The following TNRC6B variants were observed in gnomAD, a reference collection of about 807,000 sequenced individuals.
TNRC6B encodes the protein trinucleotide repeat-containing gene 6B protein.
TNRC6B carries 52 observed loss-of-function variants against 203.6 expected under a neutral mutation model. The observed-to-expected ratio is 0.26, with a 90% CI of 0.20 to 0.32. The LOEUF is 0.32. TNRC6B is among the 10% of genes least tolerant of loss of function. TNRC6B has a pLI of 1.00. For synonymous variants in TNRC6B, 838 were observed against 845.7 expected (o/e 0.99, Z 0.16); for missense variants, 1,923 against 2,286.2 (o/e 0.84, Z 3.24).
Position 40,132,952 on chromosome 22 carries a change from A to AAAT in TNRC6B, c.45+7092_45+7093insTAA, listed in dbSNP as rs1568992950. Reference sequence around the variant, plus strand: ...GAGCAAGACTCTGTCTCAAAAAAAAAAAAAAAAAAAAAAAAAAATATATAT... The same window carrying AAAT: ...GAGCAAGACTCTGTCTCAAAAAAAAAAATAAAAAAAAAAAAAAAAAATATATAT... On this transcript the variant is annotated intron_variant, in intron 3 of 23. Coordinates refer to the TNRC6B transcript ENST00000301923. Among the ~76,000 whole-genome samples, 121 of 96,166 alleles carry AAAT rather than the reference A, an allele frequency of 1.3e-3. 3 individuals carry two copies. Among genetic ancestry groups the AAAT allele is most frequent in the African/African-American group, 5.3e-3 (117 of 21,896 alleles). The allele number at this position is 96,166 out of a possible 152,430, so 63.1% of individuals were successfully genotyped here.
intron 4 of TNRC6B, among the ~76,000 whole-genome samples, chr22:40,159,257 C>T (rs2068850399): frequency 6.6e-6 from 1 of 150,844 alleles, no homozygotes; most frequent in Admixed American, 6.6e-5. Flanking sequence ...GCCACCGCAC[C>T]TGGCCGGAAC....
Position 40,323,349 on chromosome 22 carries a change from G to GA in TNRC6B, c.*114dup. 1.5e-6 allele frequency: 2 copies of GA among 1,377,180 alleles called. No individual in the cohort carries two copies. Among genetic ancestry groups the GA allele is most frequent in the South Asian group, 2.9e-5 (2 of 67,946 alleles). 85.3% of individuals were successfully genotyped at this position (1,377,180 alleles called of 1,614,324 possible). ...CTTGCAATAAATACATTTTTAAAAG[G>GA]AAAAAAGAAAACGGAGAGAAAAAAA... On this transcript the variant is annotated 3_prime_UTR_variant, in exon 23 of 23. Transcript: ENST00000454349.
intron 1 of TNRC6B, among the ~76,000 whole-genome samples, chr22:40,115,589 A>G (rs1050438520): frequency 2.0e-5 from 3 of 152,218 alleles, no homozygotes; most frequent in Non-Finnish European, 2.9e-5. Context: ...TGTGTCAGAC[A>G]TGGTCCTTGC....
intron 1 of TNRC6B, among the ~76,000 whole-genome samples, chr22:40,073,141 GTTTTTT>G (rs554246963): frequency 5.5e-5 from 6 of 108,732 alleles, no homozygotes; most frequent in African/African-American, 1.7e-4. Context: ...TAGGGCCTTG[GTTTTTT>G]TTTTTTTTTT....
At chr22:40,063,369 T>C (rs536678081) in intron 1 of TNRC6B, among the ~76,000 whole-genome samples, 1 of 152,344 alleles carries the variant, frequency 6.6e-6, no homozygotes, top group South Asian at 2.1e-4. Flanking sequence ...CCTCCAACTT[T>C]GTTCTTTTTC....
intron 3 of TNRC6B, among the ~76,000 whole-genome samples, chr22:40,154,875 A>ATG (rs1569000901): frequency 7.8e-5 from 4 of 51,356 alleles, no homozygotes; most frequent in East Asian, 3.6e-4. Flanking sequence ...ATATATATAT[A>ATG]TATATATATA....
At chr22:40,253,796 G>A in intron 3 of TNRC6B, 1 of 450,330 alleles carries the variant, frequency 2.2e-6, no homozygotes, top group South Asian at 1.6e-5. Context: ...TTCCCAGTAA[G>A]CCCACCTTGG....
In TNRC6B at chr22:40,321,424, A is replaced by T. The variant is rs2071332740; in HGVS notation, c.5114+195A>T. On this transcript the variant is annotated intron_variant, in intron 22 of 22. Coordinates refer to ENST00000454349, the MANE Select transcript of TNRC6B (RefSeq NM_001162501.2). ...TCCACCAAAGCTTGGATTGTCCTGT[A>T]TATATCAGAGGCCAGTCGTCAGAAT... 1.0e-5 allele frequency: 6 copies of T among 584,424 alleles called. No homozygotes were observed. The South Asian group carries it at 1.6e-4, about 15-fold the overall frequency. 36.2% of individuals were successfully genotyped at this position (584,424 alleles called of 1,614,324 possible).
intron 1 of TNRC6B, among the ~76,000 whole-genome samples, chr22:40,075,935 A>G (rs1240388621): frequency 2.0e-5 from 3 of 152,322 alleles, no homozygotes; most frequent in Non-Finnish European, 2.9e-5. Context: ...TTACTTCGAC[A>G]TGTTAAATGT....
At chr22:40,103,090 AAAAT>A (rs1367105273) in intron 1 of TNRC6B, among the ~76,000 whole-genome samples, 15 of 150,806 alleles carry the variant, frequency 9.9e-5, no homozygotes, top group South Asian at 4.2e-4. Context: ...TAAATAAATA[AAAAT>A]AAATAAATAA....
At chr22:40,197,577 G>A (rs377577917) in intron 1 of TNRC6B, among the ~76,000 whole-genome samples, 26 of 150,014 alleles carry the variant, frequency 1.7e-4, no homozygotes, top group East Asian at 7.9e-4. Flanking sequence ...ATGAGCCACC[G>A]CACCCAGCCG....
chr22:40,145,796 C>G (rs1008230543), intron 3 of TNRC6B, among the ~76,000 whole-genome samples: 1 of 151,898 alleles, frequency 6.6e-6, no homozygotes, highest in Admixed American at 6.6e-5. Context: ...GAGCCAAGAT[C>G]ACATCACTAT....
intron 8 of TNRC6B, 36 bp from the exon 9 acceptor site, chr22:40,277,963 T>C (rs2070668598): frequency 1.4e-6 from 2 of 1,475,358 alleles, no homozygotes; most frequent in Middle Eastern, 1.7e-4. Context: ...AAGATGTGCA[T>C]CCTTAATTCT....
intron 1 of TNRC6B, among the ~76,000 whole-genome samples, chr22:40,073,381 C>A (rs1189199965): frequency 6.6e-6 from 1 of 152,046 alleles, no homozygotes; most frequent in Non-Finnish European, 1.5e-5. Context: ...CTGCATTAAA[C>A]AGGAGCTTTT....
At chr22:40,198,505 G>T (rs1452484983) in intron 1 of TNRC6B, among the ~76,000 whole-genome samples, 2 of 152,038 alleles carry the variant, frequency 1.3e-5, no homozygotes, top group Non-Finnish European at 2.9e-5. Flanking sequence ...GGTCTGGTGT[G>T]CTGTGTCAGA....
intron 2 of TNRC6B, among the ~76,000 whole-genome samples, chr22:40,250,802 CAT>C (rs993263733): frequency 6.6e-6 from 1 of 152,064 alleles, no homozygotes. Flanking sequence ...TGTCTATACT[CAT>C]AGGGGAATCT....
upstream of TNRC6B, among the ~76,000 whole-genome samples, chr22:40,174,681 C>A (rs545597066): frequency 6.6e-6 from 1 of 151,812 alleles, no homozygotes; most frequent in Non-Finnish European, 1.5e-5. Context: ...AAAAATTAGC[C>A]GAGCGTGGTG....
chr22:40,319,720 G>A (rs960775532), intron 21 of TNRC6B, among the ~76,000 whole-genome samples: 12 of 152,168 alleles, frequency 7.9e-5, no homozygotes, highest in East Asian at 3.9e-4. Flanking sequence ...CACCGCACCT[G>A]GCAACTTTTC....
At chr22:40,130,522 CTGTAATCCCAGCACTTTG>C (rs1158744376) in intron 3 of TNRC6B, among the ~76,000 whole-genome samples, 1 of 152,020 alleles carries the variant, frequency 6.6e-6, no homozygotes, top group Admixed American at 6.6e-5. Flanking sequence ...TGGCTCACGC[CTGTAATCCCAGCACTTTG>C]GGAGGCCGAG....
Sources: gnomAD v4.1 joint callset for allele counts (sites outside exome capture counted in the v4.1 genomes callset) on GRCh38, gnomAD v4.1.1 for gene constraint, MANE v1.5 for transcripts, NCBI Gene and HGNC (gene_info 2026-07-23, HGNC 2026-07-21) for gene names.